Variants in SOX6 observed in about 807,000 individuals in gnomAD.
The protein encoded by SOX6 is transcription factor SOX-6.
Under a neutral mutation model 97.8 loss-of-function variants are expected in SOX6, and 11 were observed. That is an observed-to-expected ratio of 0.11 (90% CI 0.07 to 0.19). The LOEUF (loss-of-function observed/expected upper bound fraction) is 0.19, where lower values mean the gene tolerates loss of function less well. Ranked by LOEUF, SOX6 falls within the 10% of genes least tolerant of loss-of-function variation. The probability of loss-of-function intolerance (pLI) is 1.00; values close to 1 mark genes in which losing one functional copy is unlikely to be tolerated. For missense variants in SOX6, 810 were observed against 1,039.5 expected, an observed-to-expected ratio of 0.78 and a Z score of 3.04; for synonymous variants, 360 against 371.4, an observed-to-expected ratio of 0.97 and a Z score of 0.35.
intron 2 of SOX6, among the ~76,000 whole-genome samples, chr11:16,727,905 T>C (rs995267787): frequency 6.6e-6 from 1 of 152,198 alleles, no homozygotes; most frequent in Admixed American, 6.5e-5. Context: ...ACTCATAGGT[T>C]CTTTTTGACA....
At chr11:16,532,533 C>A (rs1861251531) in intron 4 of SOX6, among the ~76,000 whole-genome samples, 1 of 151,876 alleles carries the variant, frequency 6.6e-6, no homozygotes, top group Non-Finnish European at 1.5e-5. Flanking sequence ...TTCTTGTAGT[C>A]TCCTTAGCAA....
At chr11:16,712,120 CA>C (rs1848186056) in intron 3 of SOX6, among the ~76,000 whole-genome samples, 2 of 150,052 alleles carry the variant, frequency 1.3e-5, no homozygotes, top group South Asian at 2.1e-4. Context: ...CACACACACA[CA>C]CCACAGTTTC....
chr11:16,296,153 A>T (rs1046458121), intron 3 of SOX6, among the ~76,000 whole-genome samples: 7 of 152,150 alleles, frequency 4.6e-5, no homozygotes, highest in African/African-American at 1.7e-4. Context: ...TATGCTTTTT[A>T]AAACACTTCC....
chr11:16,728,590 A>C (rs1344438841), intron 2 of SOX6, among the ~76,000 whole-genome samples: 1 of 152,248 alleles, frequency 6.6e-6, no homozygotes, highest in African/African-American at 2.4e-5. Context: ...CCAACATCAA[A>C]GACAAAAGGC....
At chr11:16,081,978 C>A (rs1190370053) in intron 9 of SOX6, among the ~76,000 whole-genome samples, 1 of 152,154 alleles carries the variant, frequency 6.6e-6, no homozygotes, top group Non-Finnish European at 1.5e-5. Context: ...AAACAAGAGC[C>A]TGATTAGGTT....
At chr11:16,344,586 T>C (rs1300128794) in intron 1 of SOX6, among the ~76,000 whole-genome samples, 1 of 151,940 alleles carries the variant, frequency 6.6e-6, no homozygotes, top group African/African-American at 2.4e-5. Context: ...TGTTTTAAAA[T>C]GTCATGTGGA....
At chr11:16,146,783 C>G (rs1444411196) in intron 6 of SOX6, among the ~76,000 whole-genome samples, 1 of 152,238 alleles carries the variant, frequency 6.6e-6, no homozygotes, top group South Asian at 2.1e-4. Context: ...CAGAGAAATG[C>G]AAATCAAAGC....
At chr11:16,645,856 T>C (rs1044020999) in intron 3 of SOX6, 1 of 152,236 alleles carries the variant, frequency 6.6e-6, no homozygotes. Context: ...ACCATCCAGT[T>C]TGTGGTACTT....
intron 6 of SOX6, among the ~76,000 whole-genome samples, chr11:16,113,698 G>A (rs1849281893): frequency 6.6e-6 from 1 of 152,076 alleles, no homozygotes; most frequent in South Asian, 2.1e-4. Context: ...TAGCACAGAT[G>A]GCTTATACTC....
At chr11:16,359,894 G>T (rs1356681561), upstream of SOX6, among the ~76,000 whole-genome samples, 1 of 152,082 alleles carries the variant, frequency 6.6e-6, no homozygotes, top group Non-Finnish European at 1.5e-5. Flanking sequence ...CCACAACAAA[G>T]CTACCAATTT....
intron 3 of SOX6, among the ~76,000 whole-genome samples, chr11:16,307,003 T>C (rs1855461921): frequency 6.6e-6 from 1 of 152,156 alleles, no homozygotes; most frequent in Non-Finnish European, 1.5e-5. Flanking sequence ...TCTAATTATG[T>C]GCAGTGTGTC....
chr11:16,455,341 AT>A (rs1859792516), intron 1 of SOX6, among the ~76,000 whole-genome samples: 1 of 152,008 alleles, frequency 6.6e-6, no homozygotes, highest in Non-Finnish European at 1.5e-5. Flanking sequence ...AATAATTAGG[AT>A]TTGTAAGTAG....
intron 6 of SOX6, among the ~76,000 whole-genome samples, chr11:16,142,358 C>G (rs937610865): frequency 3.9e-5 from 6 of 152,120 alleles, no homozygotes; most frequent in Non-Finnish European, 5.9e-5. Context: ...CTGTACCTCA[C>G]CATCATCAAA....
At chr11:16,289,998 A>G (rs1854864020) in intron 3 of SOX6, among the ~76,000 whole-genome samples, 1 of 152,060 alleles carries the variant, frequency 6.6e-6, no homozygotes, top group African/African-American at 2.4e-5. Flanking sequence ...CATAATATTA[A>G]TAAAGCAAAA....
chr11:15,985,211 A>T (rs951658730), intron 15 of SOX6, among the ~76,000 whole-genome samples: 1 of 152,204 alleles, frequency 6.6e-6, no homozygotes, highest in African/African-American at 2.4e-5. Context: ...TTACCTCTTG[A>T]GTGCCCTTAA....
At chr11:16,159,032 C>T (rs1176885833) in intron 6 of SOX6, among the ~76,000 whole-genome samples, 1 of 151,960 alleles carries the variant, frequency 6.6e-6, no homozygotes, top group Non-Finnish European at 1.5e-5. Flanking sequence ...CCTTTCTTTG[C>T]AGGAGAAAGA....
At chr11:16,559,549 G>A (rs1847786125) in intron 4 of SOX6, among the ~76,000 whole-genome samples, 1 of 151,446 alleles carries the variant, frequency 6.6e-6, no homozygotes, top group Admixed American at 6.6e-5. Context: ...CAAGATAGGT[G>A]TGTTATAGAC....
chr11:16,244,207 C>A (rs904230820), intron 3 of SOX6, among the ~76,000 whole-genome samples: 5 of 151,786 alleles, frequency 3.3e-5, no homozygotes, highest in Non-Finnish European at 5.9e-5. Context: ...AATTTTGTCA[C>A]CCAGAGGATA....
intron 1 of SOX6, among the ~76,000 whole-genome samples, chr11:16,441,703 TA>T (rs1358709577): frequency 6.6e-6 from 1 of 152,014 alleles, no homozygotes; most frequent in Non-Finnish European, 1.5e-5. Flanking sequence ...ACAAAAACAA[TA>T]AAAAAGCTGC....
Sources: gnomAD v4.1 joint callset for allele counts (sites outside exome capture counted in the v4.1 genomes callset) on GRCh38, gnomAD v4.1.1 for gene constraint, MANE v1.5 for transcripts, NCBI Gene and HGNC (gene_info 2026-07-23, HGNC 2026-07-21) for gene names.